The following COL5A2 variants were observed in gnomAD, a reference collection of about 807,000 sequenced individuals.
COL5A2 encodes the protein collagen alpha-2(V) chain.
COL5A2 carries 23 observed loss-of-function variants against 208.2 expected under a neutral mutation model. The observed-to-expected ratio is 0.11, with a 90% CI of 0.08 to 0.16. The LOEUF (loss-of-function observed/expected upper bound fraction) is 0.16. Ranked by LOEUF, COL5A2 falls within the 10% of genes least tolerant of loss-of-function variation. COL5A2 has a pLI of 1.00. For synonymous variants in COL5A2, 625 were observed against 628.5 expected, an observed-to-expected ratio of 0.99 and a Z score of 0.08; for missense variants, 1,590 against 1,956.4, an observed-to-expected ratio of 0.81 and a Z score of 3.53.
At chr2:189,221,331 G>GA (rs1358114659) in intron 1 of COL5A2, among the ~76,000 whole-genome samples, 1 of 152,104 alleles carries the variant, frequency 6.6e-6, no homozygotes, top group African/African-American at 2.4e-5. Flanking sequence ...AAATAGCTGA[G>GA]GAAGGTATAG....
At chr2:189,066,688 A>G (rs1379774410) in intron 22 of COL5A2, 41 bp downstream of exon 22, 38 of 1,532,604 alleles carry the variant, frequency 2.5e-5, no homozygotes, top group Non-Finnish European at 3.2e-5. Context: ...ACTTCCAGAC[A>G]ATACTATGTT....
Position 189,093,152 on chromosome 2 carries a change from C to T in COL5A2, c.457-732G>A, listed in dbSNP as rs1686823967. Among the ~76,000 whole-genome samples the T allele has an allele frequency of 2.0e-5, 3 of 152,152 alleles. No individual in the cohort carries two copies. The South Asian group carries it at 6.2e-4, about 32-fold the overall frequency. ...CTGCCAAATTCCACCCTTCTCCTAACCCACATTCTGAAGGCAGCTTGGGGA... is the reference window on the plus strand; with the variant it reads ...CTGCCAAATTCCACCCTTCTCCTAATCCACATTCTGAAGGCAGCTTGGGGA... On this transcript the variant is annotated intron_variant, in intron 6 of 53. Coordinates refer to ENST00000374866, the MANE Select transcript of COL5A2 (RefSeq NM_000393.5).
At chr2:189,037,868 A>G (rs1685474652) in intron 51 of COL5A2, among the ~76,000 whole-genome samples, 1 of 152,212 alleles carries the variant, frequency 6.6e-6, no homozygotes, top group Non-Finnish European at 1.5e-5. Flanking sequence ...CATGCAAGTA[A>G]ATAAATATTT....
At position 189,065,292 on chromosome 2, in the gene COL5A2, G is replaced by T. The variant is rs138594699; in HGVS notation, c.1564-235C>A. 5.5e-3 allele frequency among the ~76,000 whole-genome samples: 841 copies of T among 152,296 alleles called. 9 individuals are homozygous for T. Among genetic ancestry groups the T allele is most frequent in the African/African-American group, 0.019 (801 of 41,562 alleles). On this transcript the variant is annotated intron_variant, in intron 23 of 53. Coordinates refer to ENST00000374866, the MANE Select transcript of COL5A2 (RefSeq NM_000393.5). ...TCAAGAAATATTCTGCACTTTGGGA[G>T]GCCAAGGCAGGCAGATCACCTGAGG...
rs371259794 is a variant in COL5A2, at chr2:189,034,962, T to C, written c.4307A>G (p.Glu1436Gly). 4 of 1,613,938 alleles carry C rather than the reference T, an allele frequency of 2.5e-6. No homozygotes were observed. Among genetic ancestry groups the C allele is most frequent in the Non-Finnish European group, 3.4e-6 (4 of 1,179,872 alleles). The change falls in exon 53 of 54, where the codon GAG (glutamate) becomes GGG (glycine). Residue 1436 changes from glutamate (E) to glycine (G), a missense_variant. By Grantham distance (98) the Glu-to-Gly change is moderately conservative. Coordinates refer to ENST00000374866, the MANE Select transcript of COL5A2 (RefSeq NM_000393.5). ...GATATACCGGAATCTAATATTTCCC[T>C]CTGCTTTGATATCTAAGTCATTTGC... ...KGANDLDIKA[E>G]GNIRFRYIVL...
chr2:189,251,096 G>A, the COL5A2 span, among the ~76,000 whole-genome samples: 1 of 152,070 alleles, frequency 6.6e-6, no homozygotes, highest in African/African-American at 2.4e-5. Flanking sequence ...GTGAGCAAGT[G>A]TAGAAACAGC....
intron 34 of COL5A2, 30 bp downstream of exon 34, chr2:189,057,290 G>GAAAACAAA: frequency 1.4e-6 from 1 of 709,922 alleles, no homozygotes; most frequent in Non-Finnish European, 2.1e-6. Context: ...TAAATGAACT[G>GAAAACAAA]AAAAAAAAAA....
chr2:189,212,372 T>G (rs946022639), intron 1 of COL5A2, among the ~76,000 whole-genome samples: 1 of 152,086 alleles, frequency 6.6e-6, no homozygotes, highest in Non-Finnish European at 1.5e-5. Flanking sequence ...GCGCGGTGGC[T>G]CATGCCTGTA....
At chr2:189,309,477 G>A in the COL5A2 span, among the ~76,000 whole-genome samples, 1 of 152,160 alleles carries the variant, frequency 6.6e-6, no homozygotes. Flanking sequence ...CACTGCGCAT[G>A]CAGACTCCCC....
intron 1 of COL5A2, among the ~76,000 whole-genome samples, chr2:189,151,873 T>C (rs1688149278): frequency 6.6e-6 from 1 of 152,206 alleles, no homozygotes; most frequent in Non-Finnish European, 1.5e-5. Flanking sequence ...CACTTTACTT[T>C]AAAAATCACA....
In COL5A2 at chr2:189,064,043, A is replaced by G. The variant is rs1686091145; in HGVS notation, c.1717-10T>C. Reference sequence around the variant, plus strand: ...GATTTCCTGTCAAACCCTGAAAATAAAAAACCAACTGTCAGTTTGTTGCTG... The same window carrying G: ...GATTTCCTGTCAAACCCTGAAAATAGAAAACCAACTGTCAGTTTGTTGCTG... On this transcript the variant is annotated splice_polypyrimidine_tract_variant and intron_variant, in intron 25 of 53. Transcript: ENST00000374866. 6.2e-7 allele frequency: 1 copy of G among 1,612,508 alleles called. No individual in the cohort carries two copies. Among genetic ancestry groups the G allele is most frequent in the Non-Finnish European group, 8.5e-7 (1 of 1,179,072 alleles).
At chr2:189,378,453 G>A in the COL5A2 span, among the ~76,000 whole-genome samples, 3 of 152,250 alleles carry the variant, frequency 2.0e-5, no homozygotes, top group East Asian at 3.9e-4. Flanking sequence ...GGCCGGGCGC[G>A]GTGGCTCACG....
At position 189,052,245 on chromosome 2, in the gene COL5A2, T is replaced by C. The variant is rs767580673; in HGVS notation, c.2716-20A>G. On this transcript the variant is annotated intron_variant, in intron 40 of 53. Coordinates refer to ENST00000374866, the MANE Select transcript of COL5A2 (RefSeq NM_000393.5). ...AGCACCCTAGAACCAGAATATCATA[T>C]AAGCAATTTTTAAGGTAATATAAAT... is the stretch of plus-strand genomic sequence containing the variant. 13 of 1,612,092 alleles carry C rather than the reference T, an allele frequency of 8.1e-6. No homozygotes were observed. The South Asian group carries it at 1.1e-4, about 14-fold the overall frequency.
chr2:189,275,347 A>AT, the COL5A2 span, among the ~76,000 whole-genome samples: 1 of 151,600 alleles, frequency 6.6e-6, no homozygotes, highest in Non-Finnish European at 1.5e-5. Context: ...TAGTTTTCTC[A>AT]TTTTCCATTT....
chr2:189,329,764 T>C, the COL5A2 span, among the ~76,000 whole-genome samples: 62 of 152,170 alleles, frequency 4.1e-4, 1 homozygote, highest in Non-Finnish European at 5.9e-4. Flanking sequence ...CCTTTAAATA[T>C]GGTAGAGAAA....
chr2:189,146,013 T>A (rs182349206), intron 1 of COL5A2, among the ~76,000 whole-genome samples: 29 of 152,224 alleles, frequency 1.9e-4, no homozygotes, highest in African/African-American at 7.0e-4. Context: ...TTAGGAAGGT[T>A]ACATGCAATT....
chr2:189,423,809 C>T, the COL5A2 span, among the ~76,000 whole-genome samples: 1 of 152,074 alleles, frequency 6.6e-6, no homozygotes, highest in Non-Finnish European at 1.5e-5. Context: ...AATACCAATC[C>T]TTCTCAAACT....
upstream of COL5A2, among the ~76,000 whole-genome samples, chr2:189,226,750 G>C (rs1264501303): frequency 2.0e-5 from 3 of 152,122 alleles, no homozygotes; most frequent in South Asian, 2.1e-4. Context: ...AAGGAGGAAA[G>C]AGAAAAGTGG....
intron 45 of COL5A2, among the ~76,000 whole-genome samples, chr2:189,046,145 C>T (rs1685662865): frequency 6.6e-6 from 1 of 152,056 alleles, no homozygotes; most frequent in Non-Finnish European, 1.5e-5. Flanking sequence ...CTCCCTATTG[C>T]TCGCACGTCA....
Sources: gnomAD v4.1 joint callset for allele counts (sites outside exome capture counted in the v4.1 genomes callset) on GRCh38, gnomAD v4.1.1 for gene constraint, MANE v1.5 for transcripts, NCBI Gene and HGNC (gene_info 2026-07-23, HGNC 2026-07-21) for gene names.